CEP295: variants seen among roughly 807,000 people sequenced by gnomAD.
The protein encoded by CEP295 is centrosomal protein 295.
Under a neutral mutation model 291.6 loss-of-function variants are expected in CEP295, and 190 were observed. That is an observed-to-expected ratio of 0.65 (90% CI 0.58 to 0.73). CEP295 has a LOEUF of 0.73. CEP295 is among the 30% of genes least tolerant of loss of function. CEP295 has a pLI of 0.00. For missense variants in CEP295, 2,863 were observed against 2,949.4 expected (o/e 0.97, Z 0.68); for synonymous variants, 993 against 1,038.8 (o/e 0.96, Z 0.85).
In CEP295 at chr11:93,663,043, G is replaced by A. The variant is rs114918853; in HGVS notation, c.-27+1269G>A. The stretch of plus-strand genomic sequence containing the variant: ...TTGGCCAGTATTTTCAAAAATGACA[G>A]GGTCTTGAAAAGACAGACTGAGAAA... On this transcript the variant is annotated intron_variant, in intron 1 of 29. Coordinates refer to ENST00000325212, the MANE Select transcript of CEP295 (RefSeq NM_033395.2). Among the ~76,000 whole-genome samples the A allele has an allele frequency of 1.5e-3, 225 of 152,288 alleles. 1 individual carries two copies. The highest frequency in any genetic ancestry group is 5.1e-3 in the African/African-American group (214 of 41,556).
intron 17 of CEP295, among the ~76,000 whole-genome samples, chr11:93,706,310 A>G (rs367755905): frequency 1.3e-5 from 2 of 152,170 alleles, no homozygotes; most frequent in East Asian, 1.9e-4. Flanking sequence ...TGTTTGTTTC[A>G]TGTAAACACC....
intron 5 of CEP295, among the ~76,000 whole-genome samples, chr11:93,673,952 CT>C (rs747193330): frequency 0.11 from 15,808 of 137,640 alleles, 918 homozygotes; most frequent in East Asian, 0.27. Flanking sequence ...ATCCCCCCTT[CT>C]TTTTTTTTTT....
At position 93,675,697 on chromosome 11, in the gene CEP295, G is replaced by T. The variant is rs369518237; in HGVS notation, c.624+31G>T. On this transcript the variant is annotated intron_variant, in intron 6 of 29. Transcript: ENST00000325212. ...TGACTTATTGTTTCTTCATGCCCTCGCTTTATTATTTCTGTGTGCATTGAA... is the reference window on the plus strand; with the variant it reads ...TGACTTATTGTTTCTTCATGCCCTCTCTTTATTATTTCTGTGTGCATTGAA... The T allele has an allele frequency of 5.1e-4, 559 of 1,097,492 alleles. 2 individuals are homozygous for T. Among genetic ancestry groups the T allele is most frequent in the Non-Finnish European group, 6.2e-4 (477 of 765,750 alleles). 68.0% of individuals were successfully genotyped at this position (1,097,492 alleles called of 1,614,324 possible). A position where few individuals can be genotyped will look rare whatever the true frequency, so the allele number is the denominator to read the frequency against.
intron 26 of CEP295, 28 bp from the exon 27 acceptor site, chr11:93,729,584 TTC>T (rs1938093006): frequency 1.9e-6 from 3 of 1,550,174 alleles, no homozygotes; most frequent in Middle Eastern, 1.7e-4. Flanking sequence ...CTTTGCCTAT[TTC>T]TGTCATAAAT....
intron 6 of CEP295, among the ~76,000 whole-genome samples, chr11:93,676,279 A>G (rs184331081): frequency 3.3e-5 from 5 of 152,146 alleles, no homozygotes; most frequent in Admixed American, 6.5e-5. Context: ...TTTTAAAAGC[A>G]TCAGCAACAT....
chr11:93,720,534 G>C, intron 18 of CEP295, among the ~76,000 whole-genome samples: 1 of 150,214 alleles, frequency 6.7e-6, no homozygotes, highest in Non-Finnish European at 1.5e-5. Flanking sequence ...GGCACTAAAA[G>C]GTACAGTACA....
rs751756922 is a variant in CEP295, at chr11:93,728,781, TAGAAG to T, written c.7270_7274del (p.Lys2424ArgfsTer3). On this transcript the variant is annotated frameshift_variant, in exon 25 of 30. Transcript: ENST00000325212. LOFTEE classifies it high-confidence loss of function. ...GAAATGGATTTTGCAAATTTAACCC[TAGAAG>T]AGAAGAGCGAGAATGAAGCAAAATG... The T allele has an allele frequency of 5.7e-5, 89 of 1,549,730 alleles. No homozygotes were observed. The highest frequency in any genetic ancestry group is 9.9e-5 in the Admixed American group (5 of 50,606).
intron 19 of CEP295, 141 bp downstream of exon 19, chr11:93,721,553 A>C: frequency 1.3e-6 from 1 of 775,164 alleles, no homozygotes; most frequent in Non-Finnish European, 2.4e-6. Context: ...ATCAATGATG[A>C]AACTAGCCAA....
Position 93,683,604 on chromosome 11 carries a change from G to A in CEP295, c.811G>A (p.Asp271Asn). 2 of 1,540,718 alleles carry A rather than the reference G, an allele frequency of 1.3e-6. No homozygotes were observed. The highest frequency in any genetic ancestry group is 2.5e-5 in the South Asian group (2 of 81,160). ...AGAACTCAAACAGCTACAGCAAGAG[G>A]ACCTGGCACGTAGGAGACAGACTGT... The part of the protein sequence containing the change: ...MKELKQLQQE[D>N]LARRRQTVAQ... The change falls in exon 8 of 30, where the codon GAC (aspartate) becomes AAC (asparagine). Residue 271 changes from aspartate (D) to asparagine (N), a missense_variant. Transcript: ENST00000325212.
chr11:93,695,686 A>G, intron 13 of CEP295, 52 bp downstream of exon 13: 1 of 1,467,914 alleles, frequency 6.8e-7, no homozygotes, highest in Non-Finnish European at 8.9e-7. Flanking sequence ...AAGGGGGGCA[A>G]GAAAATATGA....
chr11:93,691,778 ATTTC>A lies in CEP295; in HGVS notation c.1429+7_1429+10del. ...TACAAACTCTGGAAAAGAACAAGGTATTTCTTTTTATCACATCCTCAAATTAAAT... is the reference window on the plus strand; with the variant it reads ...TACAAACTCTGGAAAAGAACAAGGTATTTTTATCACATCCTCAAATTAAAT... On this transcript the variant is annotated splice_donor_5th_base_variant and intron_variant, in intron 11 of 29. Transcript: ENST00000325212. 6.6e-7 allele frequency: 1 copy of A among 1,510,862 alleles called. No individual in the cohort carries two copies. The highest frequency in any genetic ancestry group is 8.9e-7 in the Non-Finnish European group (1 of 1,117,752). The allele number at this position is 1,510,862 out of a possible 1,614,324, so 93.6% of individuals were successfully genotyped here. A position where few individuals can be genotyped will look rare whatever the true frequency, so the allele number is the denominator to read the frequency against.
At chr11:93,680,048 G>A (rs1044379531) in intron 7 of CEP295, among the ~76,000 whole-genome samples, 7 of 152,220 alleles carry the variant, frequency 4.6e-5, no homozygotes, top group Non-Finnish European at 8.8e-5. Context: ...AGGCCAAGGC[G>A]AGCAGATCGC....
In CEP295 at chr11:93,696,796, A is replaced by G. The variant is rs777442087; in HGVS notation, c.1884A>G (p.Ile628Met). 5 of 1,551,718 alleles carry G rather than the reference A, an allele frequency of 3.2e-6. No homozygotes were observed. In the South Asian group the frequency reaches 4.8e-5, roughly 15 times the overall value. The change falls in exon 15 of 30, where the codon ATA (isoleucine) becomes ATG (methionine). Residue 628 changes from isoleucine (I) to methionine (M), a missense_variant. Physicochemically the swap from Ile to Met is conservative, Grantham distance 10. Around this residue, in one of 3 missense-constraint regions of CEP295, gnomAD observed 2,295 missense variants for 2,335.7 expected, o/e 0.98. Coordinates refer to ENST00000325212, the MANE Select transcript of CEP295 (RefSeq NM_033395.2). ...SAPSLITDSV[I>M]SVPSWKSERP... ...CATCATTGATAACTGATTCTGTTATATCAGTGCCATCATGGAAATCTGAGA... is the reference window on the plus strand; with the variant it reads ...CATCATTGATAACTGATTCTGTTATGTCAGTGCCATCATGGAAATCTGAGA...
At chr11:93,689,754 AC>A in intron 10 of CEP295, among the ~76,000 whole-genome samples, 1 of 152,170 alleles carries the variant, frequency 6.6e-6, no homozygotes, top group African/African-American at 2.4e-5. Flanking sequence ...ATCCATAAGG[AC>A]AGGAGCTTTG....
At chr11:93,691,468 C>T (rs1342815141) in intron 10 of CEP295, among the ~76,000 whole-genome samples, 2 of 152,238 alleles carry the variant, frequency 1.3e-5, no homozygotes, top group African/African-American at 4.8e-5. Flanking sequence ...CAGTTCTTCA[C>T]GTTTTCACAA....
chr11:93,710,572 T>C (rs1952827956), intron 18 of CEP295, among the ~76,000 whole-genome samples: 3 of 152,216 alleles, frequency 2.0e-5, no homozygotes. Context: ...AACTTGTAAA[T>C]TTTATTTTAT....
In CEP295 at chr11:93,697,887, A is replaced by C; in HGVS notation, c.2975A>C (p.Glu992Ala). The C allele has an allele frequency of 6.4e-7, 1 of 1,551,754 alleles. No individual in the cohort carries two copies. The highest frequency in any genetic ancestry group is 8.7e-7 in the Non-Finnish European group (1 of 1,146,990). Residue 992 changes from glutamate to alanine, a missense_variant, in exon 15 of 30, where the codon GAG becomes GCG. Glu to Ala is a moderately radical substitution (Grantham distance 107). Transcript: ENST00000325212. Reference sequence around the variant, plus strand: ...AGAAGAGTATGTTCCGAACAGGCTGAGCCCTCTTTCCCATTTCAGGTAGCT... The same window carrying C: ...AGAAGAGTATGTTCCGAACAGGCTGCGCCCTCTTTCCCATTTCAGGTAGCT... ...LDRRVCSEQA[E>A]PSFPFQVAQH...
intron 1 of CEP295, among the ~76,000 whole-genome samples, chr11:93,662,098 A>C (rs1271123223): frequency 6.6e-6 from 1 of 152,144 alleles, no homozygotes; most frequent in African/African-American, 2.4e-5. Context: ...CTTCCCCCAG[A>C]TCACCCGCGG....
chr11:93,700,063 A>G lies in CEP295; in HGVS notation c.5151A>G (p.Gln1717=). ...GACTTCAGAAACAGTTGGATCTACA[A>G]AGAGAAGTTCTGCATTATAGCCAGA... ...NLGLQKQLDL[Q]REVLHYSQKA... is the part of the protein sequence containing the mutation. The change falls in exon 15 of 30, where the codon CAA becomes CAG. Residue 1717 remains glutamine, a synonymous_variant. Transcript: ENST00000325212. The G allele has an allele frequency of 1.3e-6, 2 of 1,551,860 alleles. No homozygotes were observed. The highest frequency in any genetic ancestry group is 1.7e-6 in the Non-Finnish European group (2 of 1,147,024).
Sources: gnomAD v4.1 joint callset for allele counts (sites outside exome capture counted in the v4.1 genomes callset) on GRCh38, gnomAD v4.1.1 for gene constraint, gnomAD v4.1.1 regional missense constraint, MANE v1.5 for transcripts, NCBI Gene and HGNC (gene_info 2026-07-23, HGNC 2026-07-21) for gene names.